PRKAR1B: variants seen among roughly 807,000 people sequenced by gnomAD.
PRKAR1B encodes the protein cAMP-dependent protein kinase type I-beta regulatory subunit.
Under a neutral mutation model 46.5 loss-of-function variants are expected in PRKAR1B, and 22 were observed. That is an observed-to-expected ratio of 0.47 (90% CI 0.34 to 0.68). The LOEUF (loss-of-function observed/expected upper bound fraction) is 0.68. Among genes scored for constraint, PRKAR1B ranks in the 30% least tolerant of loss-of-function variants. PRKAR1B has a pLI of 0.01. For synonymous variants in PRKAR1B, 259 were observed against 217.7 expected, an observed-to-expected ratio of 1.19 and a Z score of -1.67; for missense variants, 445 against 535.6, an observed-to-expected ratio of 0.83 and a Z score of 1.67.
chr7:561,781 G>A (rs1283087851), intron 9 of PRKAR1B, among the ~76,000 whole-genome samples: 1 of 152,256 alleles, frequency 6.6e-6, no homozygotes, highest in African/African-American at 2.4e-5. Flanking sequence ...GCAAAGGCAC[G>A]GCCCAGCAGC....
chr7:610,456 G>T (rs1051659160), intron 4 of PRKAR1B, among the ~76,000 whole-genome samples: 1 of 152,128 alleles, frequency 6.6e-6, no homozygotes, highest in Non-Finnish European at 1.5e-5. Context: ...ATCTCCCCAG[G>T]GACGGAGGAA....
intron 2 of PRKAR1B, among the ~76,000 whole-genome samples, chr7:685,323 T>C (rs374122193): frequency 3.2e-5 from 3 of 94,892 alleles, no homozygotes; most frequent in South Asian, 4.2e-4. Flanking sequence ...TATACGTATA[T>C]ATACGTATAT....
chr7:579,302 A>G lies in PRKAR1B; in HGVS notation c.845T>C (p.Ile282Thr). ...EPVQFEDGEK[I>T]VVQGEPGDDF... ...GTCCCCAGGCTCTCCCTGGACCACA[A>G]TTTTCTCTCCATCTTCAAACTGGAC... Residue 282 changes from isoleucine (I) to threonine (T), a missense_variant, in exon 9 of 11, where the codon ATT (isoleucine) becomes ACT (threonine). Around this residue, in one of 5 missense-constraint regions of PRKAR1B, gnomAD observed 51 missense variants for 85.1 expected, o/e 0.60. Transcript: ENST00000537384. 3.1e-6 allele frequency: 5 copies of G among 1,614,006 alleles called. No individual in the cohort carries two copies. The highest frequency in any genetic ancestry group is 1.1e-5 in the South Asian group (1 of 91,070).
chr7:715,798 C>T lies in PRKAR1B; in HGVS notation c.-22-4271G>A, dbSNP rs1780852716. Among the ~76,000 whole-genome samples, 5 of 152,130 alleles carry T rather than the reference C, an allele frequency of 3.3e-5. No homozygotes were observed. The South Asian group carries it at 1.0e-3, about 32-fold the overall frequency. On this transcript the variant is annotated intron_variant, in intron 1 of 10. Transcript: ENST00000537384. ...TGGCGTGATCTCTGCTCACTGCAAG[C>T]TCCGCCTCCCGGGTTCACGCCATTC...
chr7:698,616 A>G (rs1430712380), intron 2 of PRKAR1B, among the ~76,000 whole-genome samples: 1 of 151,892 alleles, frequency 6.6e-6, no homozygotes, highest in African/African-American at 2.4e-5. Flanking sequence ...CTAGTTAAGT[A>G]CATGTGTGAG....
chr7:722,996 G>A (rs1025989965), intron 1 of PRKAR1B, among the ~76,000 whole-genome samples: 4 of 152,122 alleles, frequency 2.6e-5, no homozygotes, highest in Non-Finnish European at 4.4e-5. Context: ...GGCTCTCCTG[G>A]GACTGCTGCT....
At chr7:631,860 G>C (rs1333061472) in intron 4 of PRKAR1B, among the ~76,000 whole-genome samples, 1 of 152,150 alleles carries the variant, frequency 6.6e-6, no homozygotes, top group Non-Finnish European at 1.5e-5. Context: ...GGGAGGCTGA[G>C]GTGGGAGGAT....
rs892897649 is a variant in PRKAR1B at position 727,243 on chromosome 7, C to G, written c.-56G>C. 6.7e-6 allele frequency: 9 copies of G among 1,349,738 alleles called. No homozygotes were observed. Among genetic ancestry groups the G allele is most frequent in the Non-Finnish European group, 8.5e-6 (9 of 1,053,730 alleles). The allele number at this position is 1,349,738 out of a possible 1,614,324, so 83.6% of individuals were successfully genotyped here. ...CGCTCTGCGCGCGCTGCGCTGCTCC[C>G]TGCTCGACCCCTTCGCCGCCGTGCG... On this transcript the variant is annotated 5_prime_UTR_variant, in exon 1 of 11. Transcript: ENST00000537384.
chr7:591,301 G>C (rs989108811), intron 7 of PRKAR1B, among the ~76,000 whole-genome samples: 53 of 152,358 alleles, frequency 3.5e-4, no homozygotes, highest in African/African-American at 1.2e-3. Context: ...ACCCCCACGT[G>C]GGGGCTCTGC....
At chr7:619,149 AAC>A (rs1782982533) in intron 4 of PRKAR1B, among the ~76,000 whole-genome samples, 1 of 152,136 alleles carries the variant, frequency 6.6e-6, no homozygotes, top group Non-Finnish European at 1.5e-5. Context: ...ACACAGGGAA[AAC>A]ACAGTGTCCA....
chr7:569,611 G>C (rs1413460103), intron 9 of PRKAR1B, among the ~76,000 whole-genome samples: 1 of 152,224 alleles, frequency 6.6e-6, no homozygotes, highest in Non-Finnish European at 1.5e-5. Flanking sequence ...CAACAAGAGG[G>C]ATGTGGGTCA....
rs1292535051 is a variant in PRKAR1B, at chr7:685,364, A to G, written c.178-4638T>C. 9.9e-5 allele frequency among the ~76,000 whole-genome samples: 5 copies of G among 50,362 alleles called. 1 individual carries two copies. Among genetic ancestry groups the G allele is most frequent in the African/African-American group, 4.6e-4 (5 of 10,896 alleles). The allele number at this position is 50,362 out of a possible 152,430, so 33.0% of individuals were successfully genotyped here. A position where few individuals can be genotyped will look rare whatever the true frequency, so the allele number is the denominator to read the frequency against. On this transcript the variant is annotated intron_variant, in intron 2 of 10. Transcript: ENST00000537384. ...TATATATATGTATACATATATATAT[A>G]CACATATATATATATACATACATAT...
At chr7:679,394 C>G (rs1778529419) in intron 3 of PRKAR1B, among the ~76,000 whole-genome samples, 2 of 152,224 alleles carry the variant, frequency 1.3e-5, no homozygotes, top group Admixed American at 1.3e-4. Context: ...GCTGGTCAGG[C>G]ATTCTGCGGA....
intron 4 of PRKAR1B, among the ~76,000 whole-genome samples, chr7:628,998 C>T (rs578013817): frequency 2.6e-5 from 4 of 152,344 alleles, no homozygotes; most frequent in East Asian, 1.9e-4. Context: ...CGTGCCACTC[C>T]GCCACCGCGG....
At chr7:673,372 G>T (rs1043898281) in intron 4 of PRKAR1B, among the ~76,000 whole-genome samples, 1 of 152,066 alleles carries the variant, frequency 6.6e-6, no homozygotes, top group East Asian at 1.9e-4. Context: ...CAGCTCAGCC[G>T]GGCGCGGTGG....
chr7:662,099 T>A (rs1583378991), intron 4 of PRKAR1B, among the ~76,000 whole-genome samples: 1 of 81,202 alleles, frequency 1.2e-5, no homozygotes, highest in Non-Finnish European at 2.3e-5. Flanking sequence ...CTCCCCCCCA[T>A]GGCACAGGTC....
intron 7 of PRKAR1B, among the ~76,000 whole-genome samples, chr7:591,692 G>GA (rs527563491): frequency 2.0e-5 from 3 of 150,604 alleles, no homozygotes; most frequent in African/African-American, 4.9e-5. Context: ...TCTATTAACA[G>GA]AAAAAAAAAG....
chr7:556,925 C>G (rs1778479610), intron 9 of PRKAR1B, among the ~76,000 whole-genome samples: 1 of 152,170 alleles, frequency 6.6e-6, no homozygotes, highest in Non-Finnish European at 1.5e-5. Flanking sequence ...CTGAAGAGTC[C>G]CCGTGCAAAG....
chr7:595,611 G>T (rs1348074576), intron 7 of PRKAR1B, among the ~76,000 whole-genome samples: 1 of 152,108 alleles, frequency 6.6e-6, no homozygotes, highest in Admixed American at 6.5e-5. Context: ...CAGCTGAATC[G>T]GCCCATAGCA....
Sources: gnomAD v4.1 joint callset for allele counts (sites outside exome capture counted in the v4.1 genomes callset) on GRCh38, gnomAD v4.1.1 for gene constraint, gnomAD v4.1.1 regional missense constraint, MANE v1.5 for transcripts, NCBI Gene and HGNC (gene_info 2026-07-23, HGNC 2026-07-21) for gene names.